Variants in RAB31 observed in about 807,000 individuals in gnomAD.
The protein encoded by RAB31 is RAB31, member RAS oncogene family.
In RAB31, 21 loss-of-function variants were observed where a neutral mutation model predicts 25.6. The observed-to-expected ratio is 0.82, with a 90% CI of 0.58 to 1.18. RAB31 has a LOEUF of 1.18. RAB31 is among the 50% of genes most tolerant of loss of function. The pLI is 0.00. For synonymous variants in RAB31, 87 were observed against 84.0 expected (o/e 1.04, Z -0.20); for missense variants, 196 against 250.1 (o/e 0.78, Z 1.46).
intron 1 of RAB31, among the ~76,000 whole-genome samples, chr18:9,724,815 C>T (rs2068089860): frequency 6.6e-6 from 1 of 152,172 alleles, no homozygotes; most frequent in Non-Finnish European, 1.5e-5. Flanking sequence ...ACTCATGTGC[C>T]AGGGACTGTG....
chr18:9,817,735 T>G (rs2068606193), intron 5 of RAB31, among the ~76,000 whole-genome samples: 1 of 152,190 alleles, frequency 6.6e-6, no homozygotes, highest in African/African-American at 2.4e-5. Context: ...CGGGGTGGAA[T>G]TTGCCTTTTA....
intron 6 of RAB31, among the ~76,000 whole-genome samples, chr18:9,852,523 AT>A (rs535978278): frequency 2.5e-3 from 381 of 151,026 alleles, no homozygotes; most frequent in Middle Eastern, 3.5e-3. Context: ...CCCTTATGCA[AT>A]TTGTTTATCC....
chr18:9,708,842 G>A lies in RAB31; in HGVS notation c.39+398G>A, dbSNP rs909508266. Among the ~76,000 whole-genome samples, 6 of 152,250 alleles carry A rather than the reference G, an allele frequency of 3.9e-5. No individual in the cohort carries two copies. The highest frequency in any genetic ancestry group is 8.8e-5 in the Non-Finnish European group (6 of 68,044). On this transcript the variant is annotated intron_variant, in intron 1 of 6. Transcript: ENST00000578921. This position sits in a 1 kb window ranked among gnomAD's most constrained non-coding sequence, Gnocchi z 6.4. Reference sequence around the variant, plus strand: ...CCCCAGCGGGGACGGGGCAGTGGCGGCGAGTCTGGGGCCCCGAGGGCTTTC... The same window carrying A: ...CCCCAGCGGGGACGGGGCAGTGGCGACGAGTCTGGGGCCCCGAGGGCTTTC...
intron 1 of RAB31, among the ~76,000 whole-genome samples, chr18:9,740,079 T>C (rs2068170457): frequency 6.6e-6 from 1 of 152,220 alleles, no homozygotes; most frequent in Non-Finnish European, 1.5e-5. Flanking sequence ...TAGACCAGCC[T>C]AATGGATGAA....
intron 3 of RAB31, among the ~76,000 whole-genome samples, chr18:9,809,795 A>ATTCCC (rs1285510646): frequency 6.6e-6 from 1 of 152,234 alleles, no homozygotes; most frequent in African/African-American, 2.4e-5. Context: ...ATCTCTGATT[A>ATTCCC]TTCCCTTAAG....
chr18:9,773,249 A>T (rs150462057), intron 1 of RAB31, among the ~76,000 whole-genome samples: 2 of 152,166 alleles, frequency 1.3e-5, no homozygotes, highest in Admixed American at 6.5e-5. Flanking sequence ...AATAATTCAG[A>T]TTGCCAACTG....
At chr18:9,765,890 A>G (rs1459768186) in intron 1 of RAB31, among the ~76,000 whole-genome samples, 1 of 141,018 alleles carries the variant, frequency 7.1e-6, no homozygotes, top group African/African-American at 2.6e-5. Context: ...TGTTGGGTAT[A>G]TAGGATTGGG....
chr18:9,749,334 C>T (rs1276664855), intron 1 of RAB31, among the ~76,000 whole-genome samples: 4 of 131,002 alleles, frequency 3.1e-5, no homozygotes, highest in East Asian at 2.2e-4. Context: ...CCCCATTTTA[C>T]GGAACAGAGG....
At chr18:9,793,262 A>C (rs1484460681) in intron 3 of RAB31, among the ~76,000 whole-genome samples, 1 of 151,122 alleles carries the variant, frequency 6.6e-6, no homozygotes, top group East Asian at 2.0e-4. Context: ...TCTTTTGTAG[A>C]GCCTGGGGTC....
chr18:9,765,357 C>G (rs547344092), intron 1 of RAB31, among the ~76,000 whole-genome samples: 71 of 152,302 alleles, frequency 4.7e-4, no homozygotes, highest in African/African-American at 1.7e-3. Flanking sequence ...GCATTGCTAG[C>G]TCAGTTTTTC....
At chr18:9,709,142 G>T (rs984076393) in intron 1 of RAB31, among the ~76,000 whole-genome samples, 1 of 152,160 alleles carries the variant, frequency 6.6e-6, no homozygotes, top group African/African-American at 2.4e-5. Context: ...CCCTAAAGTG[G>T]GGTTTTCTCC....
chr18:9,817,554 T>C (rs1017952971), intron 5 of RAB31, among the ~76,000 whole-genome samples: 9 of 152,092 alleles, frequency 5.9e-5, no homozygotes, highest in African/African-American at 2.2e-4. Context: ...CAGGCGTGTG[T>C]GGCCAAGAGG....
intron 5 of RAB31, among the ~76,000 whole-genome samples, chr18:9,820,752 C>A (rs947548053): frequency 6.6e-6 from 1 of 152,026 alleles, no homozygotes; most frequent in Non-Finnish European, 1.5e-5. Flanking sequence ...GTCTCATTTT[C>A]CATTCCTAAT....
At chr18:9,745,261 G>GA (rs75428418) in intron 1 of RAB31, among the ~76,000 whole-genome samples, 3,951 of 152,218 alleles carry the variant, frequency 0.026, 154 homozygotes, top group East Asian at 0.15. Context: ...AGAAGAAACA[G>GA]AAAGTCTGAA....
chr18:9,852,557 G>T (rs1351448184), intron 6 of RAB31, among the ~76,000 whole-genome samples: 1 of 149,594 alleles, frequency 6.7e-6, no homozygotes, highest in African/African-American at 2.5e-5. Flanking sequence ...CAGTTTTCCT[G>T]CAGAGTTTAA....
chr18:9,811,863 C>T (rs1266949222), intron 3 of RAB31, among the ~76,000 whole-genome samples: 1 of 152,202 alleles, frequency 6.6e-6, no homozygotes, highest in African/African-American at 2.4e-5. Flanking sequence ...AAATAAAAAT[C>T]ATCATTTTAA....
At chr18:9,736,450 A>T (rs1472239207) in intron 1 of RAB31, among the ~76,000 whole-genome samples, 1 of 151,720 alleles carries the variant, frequency 6.6e-6, no homozygotes, top group Non-Finnish European at 1.5e-5. Context: ...GAGTGCAGGG[A>T]CTTTCTCTGG....
intron 1 of RAB31, among the ~76,000 whole-genome samples, chr18:9,730,856 G>A (rs2145464907): frequency 6.6e-6 from 1 of 152,302 alleles, no homozygotes; most frequent in African/African-American, 2.4e-5. Context: ...TATGGTATGT[G>A]ATGAGTTTGG....
chr18:9,794,150 C>T (rs151020303), intron 3 of RAB31, among the ~76,000 whole-genome samples: 3,389 of 152,252 alleles, frequency 0.022, 120 homozygotes, highest in African/African-American at 0.077. Flanking sequence ...CTGCCTTGGC[C>T]TTCCAAAGTG....
Sources: gnomAD v4.1 joint callset for allele counts (sites outside exome capture counted in the v4.1 genomes callset) on GRCh38, gnomAD v4.1.1 for gene constraint, Gnocchi (gnomAD v3.1) non-coding constraint, MANE v1.5 for transcripts, NCBI Gene and HGNC (gene_info 2026-07-23, HGNC 2026-07-21) for gene names.